The following EPSTI1 variants were observed in gnomAD, a reference collection of about 807,000 sequenced individuals.
EPSTI1 encodes the protein epithelial stromal interaction 1.
A neutral mutation model predicts 49.9 loss-of-function variants in EPSTI1; 66 were observed. That is an observed-to-expected ratio of 1.32 (90% CI 1.08 to 1.62). The LOEUF (loss-of-function observed/expected upper bound fraction) is 1.62. EPSTI1 is among the 40% of genes most tolerant of loss of function. The pLI, the probability that EPSTI1 is intolerant of heterozygous loss-of-function variation, is 0.00. For missense variants in EPSTI1, 394 were observed against 365.5 expected, an observed-to-expected ratio of 1.08 and a Z score of -0.64; for synonymous variants, 137 against 130.7, an observed-to-expected ratio of 1.05 and a Z score of -0.33.
At chr13:42,954,146 G>T (rs778828281) in intron 5 of EPSTI1, 125 bp from the exon 6 acceptor site, 25 of 693,912 alleles carry the variant, frequency 3.6e-5, no homozygotes, top group Non-Finnish European at 5.6e-5. Context: ...ACAGTATCCT[G>T]CTAGAGGCTC....
rs569523629 is a variant in EPSTI1, at chr13:42,971,462, T to C, written c.189-792A>G. On this transcript the variant is annotated intron_variant, in intron 1 of 10. Coordinates refer to ENST00000313624, the MANE Select transcript of EPSTI1 (RefSeq NM_033255.5). ...TGAGTCTGTGTGGGGGTGGCTCTTT[T>C]TTGAGATGATGCACGTGATCCCACA... Among the ~76,000 whole-genome samples the C allele has an allele frequency of 9.1e-4, 139 of 152,292 alleles. 2 individuals are homozygous for C. Among genetic ancestry groups the C allele is most frequent in the African/African-American group, 3.1e-3 (130 of 41,558 alleles).
intron 6 of EPSTI1, among the ~76,000 whole-genome samples, chr13:42,940,198 T>C (rs575216805): frequency 4.3e-4 from 66 of 152,338 alleles, no homozygotes; most frequent in African/African-American, 1.3e-3. Flanking sequence ...ACCAGCTTCC[T>C]TTCAGGTTGC....
chr13:42,908,531 C>T (rs1316245641), intron 8 of EPSTI1, among the ~76,000 whole-genome samples: 1 of 149,834 alleles, frequency 6.7e-6, no homozygotes, highest in Non-Finnish European at 1.5e-5. Flanking sequence ...GGAAAAGCTC[C>T]ATGACATTGG....
At chr13:42,892,374 T>C (rs1411558278) in intron 10 of EPSTI1, among the ~76,000 whole-genome samples, 1 of 152,146 alleles carries the variant, frequency 6.6e-6, no homozygotes, top group African/African-American at 2.4e-5. Flanking sequence ...AGCATCTGGA[T>C]GAGCACTGAG....
chr13:42,968,294 C>T (rs2039671906), intron 3 of EPSTI1, among the ~76,000 whole-genome samples: 1 of 147,942 alleles, frequency 6.8e-6, no homozygotes. Flanking sequence ...AAATAATTTC[C>T]AAATTAGATT....
intron 6 of EPSTI1, among the ~76,000 whole-genome samples, chr13:42,953,251 G>A (rs1447879339): frequency 5.5e-4 from 79 of 143,440 alleles, no homozygotes; most frequent in Non-Finnish European, 6.0e-4. Context: ...CTGTATTTAA[G>A]AAAAAAAAAA....
rs2040201551 is a variant in EPSTI1 at position 42,991,927 on chromosome 13, A to G, written c.188+51T>C. 3 of 1,603,194 alleles carry G rather than the reference A, an allele frequency of 1.9e-6. No homozygotes were observed. In the African/African-American group the frequency reaches 4.0e-5, roughly 21 times the overall value. On this transcript the variant is annotated intron_variant, in intron 1 of 10. Coordinates refer to ENST00000313624, the MANE Select transcript of EPSTI1 (RefSeq NM_033255.5). ...AGGACCAAGGTGCTTGTGAGTGAGT[A>G]TGTTTGGGGCCCGGGCTCCCGCCCC...
At position 42,992,047 on chromosome 13, in the gene EPSTI1, T is replaced by C. The variant is rs767057941; in HGVS notation, c.119A>G (p.Gln40Arg). 3 of 1,613,478 alleles carry C rather than the reference T, an allele frequency of 1.9e-6. No individual in the cohort carries two copies. Among genetic ancestry groups the C allele is most frequent in the Non-Finnish European group, 2.5e-6 (3 of 1,180,028 alleles). Residue 40 changes from glutamine (Q) to arginine (R), a missense_variant, in exon 1 of 11, where the codon CAG becomes CGG. Gln to Arg is a conservative substitution (Grantham distance 43). Transcript: ENST00000313624. ...RQGELSPVED[Q>R]REGLEAAPKG... ...AGGGGCTGCCTCCAAACCCTCTCTC[T>C]GGTCTTCCACGGGGCTCAGCTCCCC...
intron 1 of EPSTI1, among the ~76,000 whole-genome samples, chr13:42,989,567 C>CTTTTCTTTT (rs1555271094): frequency 2.5e-5 from 2 of 79,022 alleles, no homozygotes; most frequent in East Asian, 7.2e-4. Context: ...CCTCTTTTTT[C>CTTTTCTTTT]TTTTTTTTTT....
At chr13:42,974,638 G>A (rs1294530926) in intron 1 of EPSTI1, among the ~76,000 whole-genome samples, 2 of 148,858 alleles carry the variant, frequency 1.3e-5, no homozygotes, top group African/African-American at 2.5e-5. Flanking sequence ...CCGCCTGGGC[G>A]ACAGAGCAAG....
intron 6 of EPSTI1, 142 bp downstream of exon 6, chr13:42,953,806 G>A (rs2039176580): frequency 3.1e-6 from 2 of 635,726 alleles, no homozygotes; most frequent in Admixed American, 6.4e-5. Context: ...TTACTTACAT[G>A]GTGAAAGAGT....
intron 8 of EPSTI1, among the ~76,000 whole-genome samples, chr13:42,916,783 T>C (rs1032990586): frequency 5.3e-5 from 8 of 152,322 alleles, no homozygotes; most frequent in African/African-American, 1.9e-4. Context: ...TTTAGTTAGC[T>C]GGAGCCCCAC....
chr13:42,917,640 G>GATAA lies in EPSTI1; in HGVS notation c.658-17_658-16insTTAT. The GATAA allele has an allele frequency of 3.1e-4, 47 of 149,354 alleles. No individual in the cohort carries two copies. The highest frequency in any genetic ancestry group is 4.9e-4 in the Non-Finnish European group (45 of 92,584). 9.3% of individuals were successfully genotyped at this position (149,354 alleles called of 1,614,324 possible). On this transcript the variant is annotated splice_polypyrimidine_tract_variant and intron_variant, in intron 7 of 10. Coordinates refer to ENST00000313624, the MANE Select transcript of EPSTI1 (RefSeq NM_033255.5). Reference sequence around the variant, plus strand: ...AGCTTCTGGCCTGTAAAGGTACAAAGAGAAAAAAAAAAAAAAAAACAACTT... The same window carrying GATAA: ...AGCTTCTGGCCTGTAAAGGTACAAAGATAAAGAAAAAAAAAAAAAAAAACAACTT...
At chr13:42,900,229 G>A (rs778823261) in intron 9 of EPSTI1, 81 bp downstream of exon 9, 30 of 1,222,672 alleles carry the variant, frequency 2.5e-5, no homozygotes, top group East Asian at 4.7e-5. Context: ...TAATGTTATC[G>A]TAATGCTTTC....
At position 42,966,815 on chromosome 13, in the gene EPSTI1, T is replaced by C. The variant is rs2039634391; in HGVS notation, c.331+2279A>G. 3.6e-5 allele frequency among the ~76,000 whole-genome samples: 3 copies of C among 82,992 alleles called. 1 individual carries two copies. The highest frequency in any genetic ancestry group is 8.1e-5 in the Non-Finnish European group (3 of 37,086). 54.4% of individuals were successfully genotyped at this position (82,992 alleles called of 152,430 possible). On this transcript the variant is annotated intron_variant, in intron 3 of 10. Transcript: ENST00000313624. ...CATTGAGAACGGGCCAGGATGACAA[T>C]GGCGGCTTTGTGGAATAGAAAGGCG...
chr13:42,924,765 T>C (rs1428449673), intron 7 of EPSTI1, among the ~76,000 whole-genome samples: 2 of 152,186 alleles, frequency 1.3e-5, no homozygotes, highest in Non-Finnish European at 2.9e-5. Flanking sequence ...ATTTAGACTT[T>C]AGAACATCAC....
At position 42,989,919 on chromosome 13, in the gene EPSTI1, T is replaced by G. The variant is rs567929810; in HGVS notation, c.188+2059A>C. Among the ~76,000 whole-genome samples the G allele has an allele frequency of 4.4e-4, 67 of 152,004 alleles. 1 individual carries two copies. Among genetic ancestry groups the G allele is most frequent in the African/African-American group, 1.4e-3 (57 of 41,462 alleles). ...CTTCATTTTTTTAAATCAGAAAGTGTTTCTAATTTTTATCCCCAAAATAAA... is the reference window on the plus strand; with the variant it reads ...CTTCATTTTTTTAAATCAGAAAGTGGTTCTAATTTTTATCCCCAAAATAAA... On this transcript the variant is annotated intron_variant, in intron 1 of 10. Coordinates refer to ENST00000313624, the MANE Select transcript of EPSTI1 (RefSeq NM_033255.5).
chr13:42,898,500 T>A (rs192619487), intron 9 of EPSTI1, among the ~76,000 whole-genome samples: 1 of 152,342 alleles, frequency 6.6e-6, no homozygotes, highest in East Asian at 1.9e-4. Flanking sequence ...AATTACTGAG[T>A]TTATTATCTA....
intron 9 of EPSTI1, among the ~76,000 whole-genome samples, 195 bp from the exon 10 acceptor site, chr13:42,895,303 A>T (rs567212497): frequency 6.6e-6 from 1 of 152,334 alleles, no homozygotes; most frequent in East Asian, 1.9e-4. Flanking sequence ...GCTGGTGCCA[A>T]TCTTGGCTCA....
Sources: gnomAD v4.1 joint callset for allele counts (sites outside exome capture counted in the v4.1 genomes callset) on GRCh38, gnomAD v4.1.1 for gene constraint, MANE v1.5 for transcripts, NCBI Gene and HGNC (gene_info 2026-07-23, HGNC 2026-07-21) for gene names.